SCAF4: variants seen among roughly 807,000 people sequenced by gnomAD.
SCAF4 encodes SR-related and CTD-associated factor 4.
In SCAF4, 25 loss-of-function variants were observed where a neutral mutation model predicts 129.8. The observed-to-expected ratio is 0.19, with a 90% CI of 0.14 to 0.27. The LOEUF (loss-of-function observed/expected upper bound fraction) is 0.27, where lower values mean the gene tolerates loss of function less well. Among genes scored for constraint, SCAF4 ranks in the 10% least tolerant of loss-of-function variants. The probability of loss-of-function intolerance (pLI) is 1.00; values close to 1 mark genes in which losing one functional copy is unlikely to be tolerated. For synonymous variants in SCAF4, 551 were observed against 497.7 expected (o/e 1.11, Z -1.43); for missense variants, 1,246 against 1,457.1 (o/e 0.86, Z 2.36).
At chr21:31,724,977 CGCAATCACTATAAA>C (rs1400762910) in intron 1 of SCAF4, among the ~76,000 whole-genome samples, 1 of 152,156 alleles carries the variant, frequency 6.6e-6, no homozygotes, top group African/African-American at 2.4e-5. Context: ...ATCACTTTAT[CGCAATCACTATAAA>C]GCCAGACCAA....
chr21:31,694,154 T>C, intron 11 of SCAF4, 50 bp downstream of exon 11: 1 of 965,922 alleles, frequency 1.0e-6, no homozygotes, highest in Non-Finnish European at 1.6e-6. Flanking sequence ...TTTTAATTTC[T>C]ATGTCCCCTA....
chr21:31,682,648 G>A (rs1406263974), intron 19 of SCAF4, among the ~76,000 whole-genome samples: 6 of 152,142 alleles, frequency 3.9e-5, no homozygotes, highest in African/African-American at 1.4e-4. Flanking sequence ...CTTTAGAGAT[G>A]AGAAAACTGA....
At chr21:31,725,472 G>A (rs565003209) in intron 1 of SCAF4, among the ~76,000 whole-genome samples, 55 of 152,098 alleles carry the variant, frequency 3.6e-4, no homozygotes, top group Non-Finnish European at 5.6e-4. Context: ...ATGTCAATTC[G>A]TACATTAAGT....
intron 19 of SCAF4, among the ~76,000 whole-genome samples, chr21:31,680,266 A>C (rs2049966031): frequency 2.0e-5 from 3 of 152,230 alleles, no homozygotes; most frequent in African/African-American, 7.2e-5. Flanking sequence ...TTTCATTTGA[A>C]GTGCTTTGCC....
At chr21:31,702,753 G>A (rs2050565440) in intron 4 of SCAF4, among the ~76,000 whole-genome samples, 1 of 152,102 alleles carries the variant, frequency 6.6e-6, no homozygotes, top group Admixed American at 6.6e-5. Flanking sequence ...AAATATTTAA[G>A]CAACTGGCCT....
chr21:31,714,398 A>T (rs2050877059), intron 1 of SCAF4, among the ~76,000 whole-genome samples: 1 of 152,196 alleles, frequency 6.6e-6, no homozygotes, highest in African/African-American at 2.4e-5. Context: ...GGATAAGCAT[A>T]GTGGAAAAGA....
Position 31,690,869 on chromosome 21 carries a change from C to T in SCAF4, c.1813G>A (p.Asp605Asn). The T allele has an allele frequency of 6.2e-7, 1 of 1,613,848 alleles. No individual in the cohort carries two copies. The highest frequency in any genetic ancestry group is 8.5e-7 in the Non-Finnish European group (1 of 1,179,780). The change falls in exon 15 of 20, where the codon GAC (aspartate) becomes AAC (asparagine). Residue 605 changes from aspartate (D) to asparagine (N), a missense_variant. By Grantham distance (23) the Asp-to-Asn change is conservative. Transcript: ENST00000286835. Reference protein sequence around the residue: ...VELGVTYIPWDKVKPEELESF... With the variant: ...VELGVTYIPWNKVKPEELESF... ...TCCAGTTCCTCAGGCTTGACTTTGTCCCATGGAATATAAGTAACACCAAGT... is the reference window on the plus strand; with the variant it reads ...TCCAGTTCCTCAGGCTTGACTTTGTTCCATGGAATATAAGTAACACCAAGT...
At position 31,671,868 on chromosome 21, in the gene SCAF4, T is replaced by G; in HGVS notation, c.2975A>C (p.Asn992Thr). The change falls in exon 20 of 20, where the codon AAT (asparagine) becomes ACT (threonine). Residue 992 changes from asparagine (N) to threonine (T), a missense_variant. Asn to Thr is a moderately conservative substitution (Grantham distance 65, BLOSUM62 0). This residue lies in a region of SCAF4 where 339 missense variants were observed against 325.0 expected (regional missense o/e 1.04). Coordinates refer to ENST00000286835, the MANE Select transcript of SCAF4 (RefSeq NM_020706.2). Reference sequence around the variant, plus strand: ...AAACCTTTCTTGGTCTCTACCTGAATTGAACTGCTGCCTGTTATCATTTCT... The same window carrying G: ...AAACCTTTCTTGGTCTCTACCTGAAGTGAACTGCTGCCTGTTATCATTTCT... ...QFRNDNRQQFNSGRDQERFGR... is the reference protein window; with the variant it reads ...QFRNDNRQQFTSGRDQERFGR... 6.2e-7 allele frequency: 1 copy of G among 1,614,248 alleles called. No homozygotes were observed. The highest frequency in any genetic ancestry group is 8.5e-7 in the Non-Finnish European group (1 of 1,180,044).
chr21:31,731,568 C>G, intron 1 of SCAF4, 95 bp downstream of exon 1: 1 of 1,425,688 alleles, frequency 7.0e-7, no homozygotes, highest in Non-Finnish European at 9.6e-7. Flanking sequence ...GAAGCGTCCC[C>G]ACCCGGACCA....
Position 31,696,725 on chromosome 21 carries a change from T to C in SCAF4, c.803A>G (p.Asp268Gly). The C allele has an allele frequency of 6.2e-7, 1 of 1,612,352 alleles. No individual in the cohort carries two copies. Among genetic ancestry groups the C allele is most frequent in the Non-Finnish European group, 8.5e-7 (1 of 1,179,088 alleles). The change falls in exon 8 of 20, where the codon GAT (aspartate) becomes GGT (glycine). Residue 268 changes from aspartate (D) to glycine (G), a missense_variant. Physicochemically the swap from Asp to Gly is moderately conservative, Grantham distance 94 (BLOSUM62 -1). Around this residue, in one of 6 missense-constraint regions of SCAF4, gnomAD observed 236 missense variants for 210.0 expected, o/e 1.12. Coordinates refer to ENST00000286835, the MANE Select transcript of SCAF4 (RefSeq NM_020706.2). ...TTCTTCCACAGCTTCTGGCTCATCATCATAGTCAAATCTATCAAGCAACTT... is the reference window on the plus strand; with the variant it reads ...TTCTTCCACAGCTTCTGGCTCATCACCATAGTCAAATCTATCAAGCAACTT... ...DKKLLDRFDY[D>G]DEPEAVEESK...
intron 19 of SCAF4, among the ~76,000 whole-genome samples, chr21:31,674,750 T>A (rs1393409291): frequency 6.6e-6 from 1 of 152,246 alleles, no homozygotes; most frequent in Non-Finnish European, 1.5e-5. Context: ...TTTGGAAATA[T>A]GACGTGTGAT....
At chr21:31,730,669 T>C (rs923288768) in intron 1 of SCAF4, among the ~76,000 whole-genome samples, 2 of 152,220 alleles carry the variant, frequency 1.3e-5, no homozygotes, top group African/African-American at 4.8e-5. Context: ...CCCATGACAA[T>C]AGTTCCCATT....
chr21:31,681,283 G>A (rs999517337), intron 19 of SCAF4, among the ~76,000 whole-genome samples: 21 of 152,334 alleles, frequency 1.4e-4, no homozygotes, highest in African/African-American at 4.8e-4. Context: ...AAAGGAATGA[G>A]TTCGACCTAG....
At chr21:31,720,044 C>A (rs1032472815) in intron 1 of SCAF4, among the ~76,000 whole-genome samples, 57 of 152,228 alleles carry the variant, frequency 3.7e-4, no homozygotes, top group African/African-American at 1.1e-3. Context: ...AATGTTTTAT[C>A]CATGCCAGTG....
intron 1 of SCAF4, among the ~76,000 whole-genome samples, chr21:31,723,629 T>TGTGA (rs1271033175): frequency 6.7e-6 from 1 of 149,000 alleles, no homozygotes; most frequent in Non-Finnish European, 1.5e-5. Context: ...TGTGTGTGTG[T>TGTGA]GCGCGCGCGC....
At chr21:31,693,193 T>G (rs1339458378) in intron 12 of SCAF4, 101 bp downstream of exon 12, 12 of 820,460 alleles carry the variant, frequency 1.5e-5, no homozygotes. Flanking sequence ...ATCAACACAG[T>G]GGTAACATTT....
At position 31,693,434 on chromosome 21, in the gene SCAF4, C is replaced by T. The variant is rs908477707; in HGVS notation, c.1373G>A (p.Arg458Gln). 4.5e-6 allele frequency: 7 copies of T among 1,551,516 alleles called. No individual in the cohort carries two copies. Among genetic ancestry groups the T allele is most frequent in the Admixed American group, 3.5e-5 (2 of 57,846 alleles). ...SRSGSRSRRSRHRRSRSRSRD... is the reference protein window; with the variant it reads ...SRSGSRSRRSQHRRSRSRSRD... ...GGACCGAGATCGAGAACGTCGATGC[C>T]GAGACCTTCGAGATCTAGAACCAGA... The change falls in exon 12 of 20, where the codon CGG becomes CAG. Residue 458 changes from arginine (R) to glutamine (Q), a missense_variant. Transcript: ENST00000286835.
intron 6 of SCAF4, 130 bp downstream of exon 6, chr21:31,701,646 G>A: frequency 1.1e-6 from 1 of 948,312 alleles, no homozygotes; most frequent in Non-Finnish European, 1.5e-6. Flanking sequence ...CTTCTCTTGT[G>A]AAGGCTTTTC....
intron 10 of SCAF4, among the ~76,000 whole-genome samples, 158 bp from the exon 11 acceptor site, chr21:31,694,447 GA>G (rs924067094): frequency 1.4e-5 from 2 of 147,482 alleles, no homozygotes; most frequent in Non-Finnish European, 3.0e-5. Context: ...CCATCACTGG[GA>G]AAAAAAAACA....
Sources: allele counts gnomAD v4.1 joint callset (sites outside exome capture counted in the v4.1 genomes callset), GRCh38; gene constraint gnomAD v4.1.1; regional missense constraint gnomAD v4.1.1; transcripts MANE v1.5; gene names NCBI Gene and HGNC (gene_info 2026-07-23, HGNC 2026-07-21).